Variants in SH3RF2 observed in about 807,000 individuals in gnomAD.
The protein encoded by SH3RF2 is SH3 domain containing ring finger 2.
Under a neutral mutation model 59.0 loss-of-function variants are expected in SH3RF2, and 43 were observed. That is an observed-to-expected ratio of 0.73 (90% CI 0.57 to 0.94). The LOEUF (loss-of-function observed/expected upper bound fraction) is 0.94. Among genes scored for constraint, SH3RF2 ranks in the 40% least tolerant of loss-of-function variants. The probability of loss-of-function intolerance (pLI) is 0.00; values close to 1 mark genes in which losing one functional copy is unlikely to be tolerated. For missense variants in SH3RF2, 930 were observed against 940.1 expected (o/e 0.99, Z 0.14); for synonymous variants, 391 against 391.5 (o/e 1.00, Z 0.01).
chr5:145,997,792 GA>G (rs1760226883), intron 2 of SH3RF2: 2 of 1,553,790 alleles, frequency 1.3e-6, no homozygotes, highest in African/African-American at 1.4e-5. Flanking sequence ...TAAACCTAAA[GA>G]AAAAAAATTA....
In SH3RF2 at chr5:146,047,866, G is replaced by T. The variant is rs765438493; in HGVS notation, c.1151+3G>T. ...CAGCAACACCTCTCAGCGAACATGT[G>T]AGTAAAAGGCTCATCCCTTCACCCA... On this transcript the variant is annotated splice_donor_region_variant and intron_variant, in intron 6 of 9. Transcript: ENST00000359120. 2 of 1,613,812 alleles carry T rather than the reference G, an allele frequency of 1.2e-6. No individual in the cohort carries two copies. The highest frequency in any genetic ancestry group is 1.7e-6 in the Non-Finnish European group (2 of 1,179,936).
chr5:145,957,523 CT>C (rs1758461817), intron 2 of SH3RF2, among the ~76,000 whole-genome samples: 1 of 152,182 alleles, frequency 6.6e-6, no homozygotes, highest in African/African-American at 2.4e-5. Flanking sequence ...CTAAGCACTT[CT>C]GTTTAACTAT....
intron 2 of SH3RF2, among the ~76,000 whole-genome samples, chr5:145,998,236 G>A (rs966325811): frequency 1.3e-5 from 2 of 149,788 alleles, no homozygotes; most frequent in Admixed American, 6.7e-5. Context: ...GGAGACTTAG[G>A]TAGAAGTATT....
intron 2 of SH3RF2, chr5:145,997,440 A>G: frequency 6.9e-7 from 1 of 1,451,814 alleles, no homozygotes; most frequent in Non-Finnish European, 9.7e-7. Flanking sequence ...TGGCTGGTGC[A>G]AGGATGTTTA....
intron 9 of SH3RF2, among the ~76,000 whole-genome samples, chr5:146,069,129 G>A (rs1763172777): frequency 6.6e-6 from 1 of 152,146 alleles, no homozygotes; most frequent in Non-Finnish European, 1.5e-5. Context: ...AGCAGATATT[G>A]CAACCTAAGG....
At chr5:146,012,324 CTTTG>C (rs999359252) in intron 4 of SH3RF2, among the ~76,000 whole-genome samples, 31 of 152,124 alleles carry the variant, frequency 2.0e-4, no homozygotes, top group Middle Eastern at 3.2e-3. Context: ...CTATAATTCT[CTTTG>C]TTTGTTGTGT....
intron 7 of SH3RF2, among the ~76,000 whole-genome samples, chr5:146,051,376 GAATA>G (rs1226072370): frequency 6.6e-6 from 1 of 152,168 alleles, no homozygotes; most frequent in Non-Finnish European, 1.5e-5. Context: ...GCTGGATTGA[GAATA>G]AACTATACAA....
intron 5 of SH3RF2, among the ~76,000 whole-genome samples, chr5:146,023,618 G>A (rs1023058824): frequency 6.6e-6 from 1 of 152,150 alleles, no homozygotes; most frequent in Non-Finnish European, 1.5e-5. Context: ...TTTTAGTTTG[G>A]TTTGAGTTTT....
intron 2 of SH3RF2, among the ~76,000 whole-genome samples, chr5:145,943,230 T>TA (rs5871948): frequency 0.19 from 25,872 of 139,502 alleles, 2,978 homozygotes; most frequent in African/African-American, 0.33. Flanking sequence ...GGATCTCCAT[T>TA]AAAAAAAAAA....
At chr5:146,002,254 C>A (rs1760446278) in intron 3 of SH3RF2, among the ~76,000 whole-genome samples, 1 of 152,132 alleles carries the variant, frequency 6.6e-6, no homozygotes, top group Non-Finnish European at 1.5e-5. Context: ...AGTTTGAGAC[C>A]AGCCTGGCCA....
intron 5 of SH3RF2, among the ~76,000 whole-genome samples, chr5:146,045,204 A>C (rs542483691): frequency 6.6e-5 from 10 of 152,314 alleles, no homozygotes; most frequent in African/African-American, 2.4e-4. Context: ...GCTCCTTGTC[A>C]TGTCTGTTTG....
intron 2 of SH3RF2, among the ~76,000 whole-genome samples, chr5:145,940,380 A>G (rs1251110381): frequency 6.6e-6 from 1 of 152,178 alleles, no homozygotes; most frequent in Non-Finnish European, 1.5e-5. Flanking sequence ...GGATGTCAAT[A>G]TGGCTGCTGT....
At position 145,950,721 on chromosome 5, in the gene SH3RF2, G is replaced by A. The variant is rs996830736; in HGVS notation, c.378+12415G>A. 3.9e-5 allele frequency among the ~76,000 whole-genome samples: 6 copies of A among 152,164 alleles called. No homozygotes were observed. The East Asian group carries it at 5.8e-4, about 15-fold the overall frequency. On this transcript the variant is annotated intron_variant, in intron 2 of 9. Transcript: ENST00000359120. ...ATATTTGGAAGAGAGATTTTATCTCGAATATGACAAGCTCTGGTCCAGAAC... is the reference window on the plus strand; with the variant it reads ...ATATTTGGAAGAGAGATTTTATCTCAAATATGACAAGCTCTGGTCCAGAAC...
intron 5 of SH3RF2, among the ~76,000 whole-genome samples, chr5:146,017,211 C>T (rs1432095347): frequency 6.6e-6 from 1 of 152,126 alleles, no homozygotes; most frequent in African/African-American, 2.4e-5. Flanking sequence ...CAGGATTAGA[C>T]CTGAAGATAC....
At chr5:146,035,528 G>T (rs571463695) in intron 5 of SH3RF2, among the ~76,000 whole-genome samples, 1 of 152,044 alleles carries the variant, frequency 6.6e-6, no homozygotes, top group East Asian at 1.9e-4. Flanking sequence ...TTACACGGTC[G>T]GTGAAAGCAT....
chr5:146,028,009 A>G (rs191901508), intron 5 of SH3RF2, among the ~76,000 whole-genome samples: 12 of 152,296 alleles, frequency 7.9e-5, no homozygotes, highest in Non-Finnish European at 1.6e-4. Context: ...GTTTTGCCCA[A>G]TTAATCCTGG....
In SH3RF2 at chr5:145,991,855, G is replaced by T. The variant is rs535719863; in HGVS notation, c.379-8203G>T. 4.6e-5 allele frequency among the ~76,000 whole-genome samples: 7 copies of T among 152,264 alleles called. No individual in the cohort carries two copies. In the South Asian group the frequency reaches 1.2e-3, roughly 27 times the overall value. On this transcript the variant is annotated intron_variant, in intron 2 of 9. Transcript: ENST00000359120. The stretch of plus-strand genomic sequence containing the variant: ...AGAAAGAAAGCTAGCAATTTACAAA[G>T]CCTATAGCCTATGTCAAAACTCCAT...
At chr5:146,073,147 C>T (rs1414921712) in intron 9 of SH3RF2, among the ~76,000 whole-genome samples, 4 of 152,224 alleles carry the variant, frequency 2.6e-5, no homozygotes, top group African/African-American at 9.6e-5. Context: ...GTTCTCTGAC[C>T]TTTCAGATAA....
At chr5:146,014,101 G>T in intron 5 of SH3RF2, 40 bp downstream of exon 5, 1 of 1,598,844 alleles carries the variant, frequency 6.3e-7, no homozygotes, top group African/African-American at 1.3e-5. Flanking sequence ...CTTTGGAGTT[G>T]GGCAAGTGAT....
Sources: allele counts gnomAD v4.1 joint callset (sites outside exome capture counted in the v4.1 genomes callset), GRCh38; gene constraint gnomAD v4.1.1; transcripts MANE v1.5; gene names NCBI Gene and HGNC (gene_info 2026-07-23, HGNC 2026-07-21).